The following GALNT18 variants were observed in gnomAD, a reference collection of about 807,000 sequenced individuals.
GALNT18 encodes the protein GalNAc-transferase 18.
Under a neutral mutation model 69.5 loss-of-function variants are expected in GALNT18, and 44 were observed. The observed-to-expected ratio is 0.63, with a 90% CI of 0.50 to 0.81. The LOEUF is 0.81. GALNT18 is among the 40% of genes least tolerant of loss of function. GALNT18 has a pLI of 0.00. For synonymous variants in GALNT18, 364 were observed against 318.2 expected (o/e 1.14, Z -1.53); for missense variants, 715 against 810.0 (o/e 0.88, Z 1.42).
rs138075295 is a variant in GALNT18, at chr11:11,507,231, A to G, written c.236-58295T>C. Among the ~76,000 whole-genome samples the G allele has an allele frequency of 2.5e-3, 376 of 152,332 alleles. 1 individual carries two copies. The highest frequency in any genetic ancestry group is 8.5e-3 in the African/African-American group (355 of 41,582). ...AAGTCTCTCATTCATTCTAAACAAA[A>G]GGAGAAATCATTGAAACAAATATTG... On this transcript the variant is annotated intron_variant, in intron 1 of 10. Transcript: ENST00000227756.
In GALNT18 at chr11:11,372,458, A is replaced by T; in HGVS notation, c.1092+57T>A. The T allele has an allele frequency of 7.5e-7, 1 of 1,335,166 alleles. No homozygotes were observed. Among genetic ancestry groups the T allele is most frequent in the East Asian group, 2.3e-5 (1 of 43,478 alleles). The allele number at this position is 1,335,166 out of a possible 1,614,324, so 82.7% of individuals were successfully genotyped here. On this transcript the variant is annotated intron_variant, in intron 6 of 10. Coordinates refer to ENST00000227756, the MANE Select transcript of GALNT18 (RefSeq NM_198516.3). This position sits in a 1 kb window ranked among gnomAD's most constrained non-coding sequence, Gnocchi z 4.9. ...TTAAACCCCATTTCTCCACCCCCAGACTCATTCACCCTGGTGGGAGCTGAG... is the reference window on the plus strand; with the variant it reads ...TTAAACCCCATTTCTCCACCCCCAGTCTCATTCACCCTGGTGGGAGCTGAG...
rs1854999732 is a variant in GALNT18 at position 11,421,311 on chromosome 11, A to G, written c.595+11310T>C. Among the ~76,000 whole-genome samples, 1 of 152,136 alleles carries G rather than the reference A, an allele frequency of 6.6e-6. No homozygotes were observed. The highest frequency in any genetic ancestry group is 1.5e-5 in the Non-Finnish European group (1 of 68,016). On this transcript the variant is annotated intron_variant, in intron 3 of 10. Transcript: ENST00000227756. The surrounding 1 kb of genome is among the most constrained non-coding windows in gnomAD (Gnocchi z 5.6). ...GGATTGAGCCCTGGGGCTGGTCCAC[A>G]AAGAGGCGGGTGACTCAAGAGCTGA...
intron 3 of GALNT18, among the ~76,000 whole-genome samples, chr11:11,386,346 GT>G (rs1854055825): frequency 6.6e-6 from 1 of 152,088 alleles, no homozygotes; most frequent in Non-Finnish European, 1.5e-5. Context: ...TCCCTCATCA[GT>G]TTTCTAGGAT....
In GALNT18 at chr11:11,511,292, G is replaced by A. The variant is rs1488933761; in HGVS notation, c.236-62356C>T. On this transcript the variant is annotated intron_variant, in intron 1 of 10. Coordinates refer to ENST00000227756, the MANE Select transcript of GALNT18 (RefSeq NM_198516.3). The surrounding 1 kb of genome is among the most constrained non-coding windows in gnomAD (Gnocchi z 4.9). ...GGCTGTCCAGCTTCACGCAGGGAGG[G>A]CTCCTTGAAGCTAATTACTGCCACC... Among the ~76,000 whole-genome samples the A allele has an allele frequency of 6.6e-6, 1 of 152,172 alleles. No homozygotes were observed.
intron 10 of GALNT18, among the ~76,000 whole-genome samples, chr11:11,291,099 C>T (rs139251844): frequency 6.6e-6 from 1 of 152,322 alleles, no homozygotes; most frequent in Admixed American, 6.5e-5. Flanking sequence ...AATGTAGCCT[C>T]ATCCTCTGGC....
intron 2 of GALNT18, among the ~76,000 whole-genome samples, chr11:11,447,722 T>A (rs1432754538): frequency 6.6e-6 from 1 of 152,144 alleles, no homozygotes; most frequent in African/African-American, 2.4e-5. Flanking sequence ...TCAGATCTCA[T>A]GAGAACTTAC....
At chr11:11,310,887 C>G (rs1350722300) in intron 9 of GALNT18, among the ~76,000 whole-genome samples, 1 of 152,224 alleles carries the variant, frequency 6.6e-6, no homozygotes, top group African/African-American at 2.4e-5. Context: ...TCCTTAGGAA[C>G]TGTCTTGCAA....
Position 11,504,366 on chromosome 11 carries a change from C to T in GALNT18, c.236-55430G>A, listed in dbSNP as rs989671661. On this transcript the variant is annotated intron_variant, in intron 1 of 10. Coordinates refer to ENST00000227756, the MANE Select transcript of GALNT18 (RefSeq NM_198516.3). ...TGAATAGCCCTGGGCACACTCCTGA[C>T]TCCCTGAAGTTCTAGTGAGTAACAA... Among the ~76,000 whole-genome samples, 53 of 152,132 alleles carry T rather than the reference C, an allele frequency of 3.5e-4. 1 individual carries two copies. Among genetic ancestry groups the T allele is most frequent in the Admixed American group, 2.4e-3 (37 of 15,268 alleles).
chr11:11,494,459 C>T lies in GALNT18; in HGVS notation c.236-45523G>A, dbSNP rs558152429. On this transcript the variant is annotated intron_variant, in intron 1 of 10. Transcript: ENST00000227756. The surrounding 1 kb of genome is among the most constrained non-coding windows in gnomAD (Gnocchi z 5.7). The stretch of plus-strand genomic sequence containing the variant: ...CCACATCCAAGAGGTTTCACACCAT[C>T]TTAGTGTCCTGCAAAGCTCAGCTCA... Among the ~76,000 whole-genome samples, 5 of 152,332 alleles carry T rather than the reference C, an allele frequency of 3.3e-5. No individual in the cohort carries two copies. Among genetic ancestry groups the T allele is most frequent in the African/African-American group, 1.2e-4 (5 of 41,572 alleles).
intron 3 of GALNT18, among the ~76,000 whole-genome samples, chr11:11,406,016 C>T (rs79926725): frequency 0.053 from 8,115 of 152,306 alleles, 335 homozygotes; most frequent in Non-Finnish European, 0.078. Flanking sequence ...CACGGAGGTT[C>T]ATAGCAGAGA....
Position 11,400,449 on chromosome 11 carries a change from G to A in GALNT18, c.596-21185C>T, listed in dbSNP as rs369015605. Reference sequence around the variant, plus strand: ...CAAAATGTGAGTAATCAAGGACTGCGGCAAACCAGAGAATGTATGCCCTGT... The same window carrying A: ...CAAAATGTGAGTAATCAAGGACTGCAGCAAACCAGAGAATGTATGCCCTGT... On this transcript the variant is annotated intron_variant, in intron 3 of 10. Coordinates refer to ENST00000227756, the MANE Select transcript of GALNT18 (RefSeq NM_198516.3). 4.1e-4 allele frequency among the ~76,000 whole-genome samples: 62 copies of A among 152,306 alleles called. 1 individual carries two copies. In the South Asian group the frequency reaches 0.012, roughly 29 times the overall value.
Position 11,613,900 on chromosome 11 carries a change from T to C in GALNT18, c.235+7459A>G, listed in dbSNP as rs143059109. On this transcript the variant is annotated intron_variant, in intron 1 of 10. Transcript: ENST00000227756. The surrounding 1 kb of genome is among the most constrained non-coding windows in gnomAD (Gnocchi z 4.2). ...TTCCATCTCTCCCCAAAGCCCACCA[T>C]GCTGCCTTCTGGTTACATTTATCAC... 1.9e-3 allele frequency among the ~76,000 whole-genome samples: 287 copies of C among 152,314 alleles called. 2 individuals carry two copies. Among genetic ancestry groups the C allele is most frequent in the African/African-American group, 6.6e-3 (276 of 41,588 alleles).
At chr11:11,503,014 A>G (rs898667555) in intron 1 of GALNT18, among the ~76,000 whole-genome samples, 2 of 152,232 alleles carry the variant, frequency 1.3e-5, no homozygotes, top group African/African-American at 4.8e-5. Flanking sequence ...CCAGGCAAGC[A>G]TCTCATGGAA....
At chr11:11,317,054 A>G (rs151196441) in intron 9 of GALNT18, among the ~76,000 whole-genome samples, 4 of 152,368 alleles carry the variant, frequency 2.6e-5, no homozygotes, top group Non-Finnish European at 5.9e-5. Context: ...GGGCTGTTAC[A>G]CTAATCAGGG....
Position 11,621,291 on chromosome 11 carries a change from G to T in GALNT18, c.235+68C>A. 1 of 1,346,292 alleles carries T rather than the reference G, an allele frequency of 7.4e-7. No homozygotes were observed. Among genetic ancestry groups the T allele is most frequent in the Non-Finnish European group, 1.0e-6 (1 of 957,810 alleles). The allele number at this position is 1,346,292 out of a possible 1,614,324, so 83.4% of individuals were successfully genotyped here. A position where few individuals can be genotyped will look rare whatever the true frequency, so the allele number is the denominator to read the frequency against. ...GCTGAGTTGATGCGCACCAGCCCCA[G>T]CGCACCCCGCGCCGCGCGGGGCACT... On this transcript the variant is annotated intron_variant, in intron 1 of 10. Transcript: ENST00000227756. The surrounding 1 kb of genome is among the most constrained non-coding windows in gnomAD (Gnocchi z 9.3).
chr11:11,563,898 G>T lies in GALNT18; in HGVS notation c.235+57461C>A, dbSNP rs7925486. On this transcript the variant is annotated intron_variant, in intron 1 of 10. Coordinates refer to ENST00000227756, the MANE Select transcript of GALNT18 (RefSeq NM_198516.3). The surrounding 1 kb of genome is among the most constrained non-coding windows in gnomAD (Gnocchi z 4.6). ...TTTGCAAAGCTCCCCAAAGCATTTT[G>T]AGTTCTGAAAGCAAGAAACTGTTGA... Among the ~76,000 whole-genome samples the T allele has an allele frequency of 1.3e-5, 2 of 152,186 alleles. No homozygotes were observed. The highest frequency in any genetic ancestry group is 6.5e-5 in the Admixed American group (1 of 15,282).
intron 9 of GALNT18, among the ~76,000 whole-genome samples, chr11:11,310,950 C>T (rs928470967): frequency 5.9e-5 from 9 of 152,222 alleles, no homozygotes; most frequent in Admixed American, 3.3e-4. Context: ...CAGATACCCA[C>T]GCTCAATGCC....
chr11:11,281,048 A>C (rs911746512), intron 10 of GALNT18, among the ~76,000 whole-genome samples: 1 of 152,044 alleles, frequency 6.6e-6, no homozygotes, highest in African/African-American at 2.4e-5. Flanking sequence ...TCTTGAACAG[A>C]TCTGTGGCCA....
rs866414243 is a variant in GALNT18 at position 11,511,848 on chromosome 11, C to G, written c.236-62912G>C. On this transcript the variant is annotated intron_variant, in intron 1 of 10. Coordinates refer to ENST00000227756, the MANE Select transcript of GALNT18 (RefSeq NM_198516.3). The surrounding 1 kb of genome is among the most constrained non-coding windows in gnomAD (Gnocchi z 4.9). The stretch of plus-strand genomic sequence containing the variant: ...CACCAGACCCGGACCACACTGGTAC[C>G]CTGATCTGGGACTTTCAGCCCCCAG... Among the ~76,000 whole-genome samples, 1 of 152,106 alleles carries G rather than the reference C, an allele frequency of 6.6e-6. No homozygotes were observed. The highest frequency in any genetic ancestry group is 6.5e-5 in the Admixed American group (1 of 15,282).
Sources: allele counts gnomAD v4.1 joint callset (sites outside exome capture counted in the v4.1 genomes callset), GRCh38; gene constraint gnomAD v4.1.1; non-coding constraint Gnocchi (gnomAD v3.1); transcripts MANE v1.5; gene names NCBI Gene and HGNC (gene_info 2026-07-23, HGNC 2026-07-21).